The following DCC variants were observed in gnomAD, a reference collection of about 807,000 sequenced individuals.
The protein encoded by DCC is DCC netrin 1 receptor, also known as netrin receptor DCC.
DCC carries 58 observed loss-of-function variants against 172.5 expected under a neutral mutation model. That is an observed-to-expected ratio of 0.34 (90% CI 0.27 to 0.42). The LOEUF (loss-of-function observed/expected upper bound fraction) is 0.42. Among genes scored for constraint, DCC ranks in the 10% least tolerant of loss-of-function variants. DCC has a pLI of 1.00. For synonymous variants in DCC, 709 were observed against 644.5 expected, an observed-to-expected ratio of 1.10 and a Z score of -1.52; for missense variants, 1,740 against 1,791.0, an observed-to-expected ratio of 0.97 and a Z score of 0.51.
chr18:53,202,199 A>G (rs566407760), intron 9 of DCC, among the ~76,000 whole-genome samples: 99 of 152,282 alleles, frequency 6.5e-4, no homozygotes, highest in African/African-American at 2.2e-3. Flanking sequence ...GTCTTTTTCT[A>G]GAGCTGAGGC....
intron 1 of DCC, among the ~76,000 whole-genome samples, chr18:52,506,520 T>A (rs1380417480): frequency 6.6e-6 from 1 of 152,124 alleles, no homozygotes; most frequent in Admixed American, 6.5e-5. Context: ...TCTGGTTGTA[T>A]GTGCTCAGGA....
At chr18:53,529,411 TG>T (rs1455178351) in intron 28 of DCC, among the ~76,000 whole-genome samples, 3 of 152,166 alleles carry the variant, frequency 2.0e-5, no homozygotes, top group Non-Finnish European at 4.4e-5. Flanking sequence ...CAGGCCTCAT[TG>T]GTTCAATCAT....
rs2046529167 is a variant in DCC at position 53,531,915 on chromosome 18, C to T, written c.*1262C>T. On this transcript the variant is annotated 3_prime_UTR_variant, in exon 29 of 29. Transcript: ENST00000442544. ...CAGCAGATACTTTTCAAAGCAGCATCTTAAACTGTGGACTACAGTTTTAAA... is the reference window on the plus strand; with the variant it reads ...CAGCAGATACTTTTCAAAGCAGCATTTTAAACTGTGGACTACAGTTTTAAA... 1 of 152,222 alleles carries T rather than the reference C, an allele frequency of 6.6e-6. No homozygotes were observed. Among genetic ancestry groups the T allele is most frequent in the Non-Finnish European group, 1.5e-5 (1 of 68,054 alleles). The allele number at this position is 152,222 out of a possible 1,614,324, so 9.4% of individuals were successfully genotyped here.
intron 2 of DCC, among the ~76,000 whole-genome samples, chr18:52,779,191 C>T (rs772005234): frequency 1.3e-5 from 2 of 152,046 alleles, no homozygotes; most frequent in Non-Finnish European, 2.9e-5. Flanking sequence ...TTCTGGGATA[C>T]ATGTGCAGAA....
intron 2 of DCC, among the ~76,000 whole-genome samples, chr18:52,901,325 T>C (rs968493488): frequency 4.6e-5 from 7 of 151,962 alleles, no homozygotes; most frequent in Admixed American, 3.9e-4. Context: ...CCTAGCTACA[T>C]GGGAGACTGA....
intron 27 of DCC, among the ~76,000 whole-genome samples, chr18:53,504,917 T>C (rs1461536828): frequency 1.3e-5 from 2 of 151,280 alleles, no homozygotes; most frequent in Admixed American, 6.6e-5. Context: ...AATGTTTTTT[T>C]GTTTGTTTGT....
intron 2 of DCC, among the ~76,000 whole-genome samples, chr18:52,772,748 T>G (rs2037364635): frequency 6.6e-6 from 1 of 152,206 alleles, no homozygotes; most frequent in African/African-American, 2.4e-5. Flanking sequence ...TATTTCTTTC[T>G]TTCATGGTAA....
chr18:52,580,857 C>A (rs562952218), intron 1 of DCC, among the ~76,000 whole-genome samples: 1 of 152,294 alleles, frequency 6.6e-6, no homozygotes, highest in Admixed American at 6.5e-5. Context: ...TGCCTTTTAA[C>A]CACTGTGGTA....
intron 8 of DCC, among the ~76,000 whole-genome samples, chr18:53,175,792 A>T (rs960781760): frequency 1.3e-5 from 2 of 151,864 alleles, no homozygotes; most frequent in Non-Finnish European, 2.9e-5. Context: ...CCATCAAGCT[A>T]CCAATGCCTT....
chr18:53,438,681 G>A (rs1280871038), intron 22 of DCC, among the ~76,000 whole-genome samples: 1 of 152,082 alleles, frequency 6.6e-6, no homozygotes, highest in Non-Finnish European at 1.5e-5. Context: ...TAAATTTTTG[G>A]TTGAAAAGAA....
At chr18:52,816,591 C>G (rs928065449) in intron 2 of DCC, 14 of 152,276 alleles carry the variant, frequency 9.2e-5, no homozygotes, top group African/African-American at 2.6e-4. Flanking sequence ...ACAGCACTTT[C>G]TCATCGATCA....
chr18:52,711,233 T>A (rs2036286728), intron 1 of DCC, among the ~76,000 whole-genome samples: 1 of 152,288 alleles, frequency 6.6e-6, no homozygotes, highest in Non-Finnish European at 1.5e-5. Context: ...TATTTATTTG[T>A]TTTTTTATTT....
At chr18:52,767,280 C>T (rs981564654) in intron 2 of DCC, among the ~76,000 whole-genome samples, 1 of 152,018 alleles carries the variant, frequency 6.6e-6, no homozygotes. Flanking sequence ...TATTGAAACA[C>T]ATCTCTTTAA....
intron 1 of DCC, among the ~76,000 whole-genome samples, chr18:52,733,638 C>A (rs1022236373): frequency 6.6e-6 from 1 of 151,980 alleles, no homozygotes; most frequent in African/African-American, 2.4e-5. Context: ...AGGACTAGAG[C>A]TGTGTACCAC....
intron 5 of DCC, among the ~76,000 whole-genome samples, chr18:53,019,525 C>A (rs772830531): frequency 1.3e-5 from 2 of 152,094 alleles, no homozygotes; most frequent in African/African-American, 2.4e-5. Context: ...AATAGTTCAT[C>A]CCACCAGCCT....
At chr18:52,626,957 A>G (rs1395509632) in intron 1 of DCC, among the ~76,000 whole-genome samples, 1 of 152,158 alleles carries the variant, frequency 6.6e-6, no homozygotes, top group Non-Finnish European at 1.5e-5. Flanking sequence ...CAGGGATACT[A>G]AGGGACAGTT....
chr18:52,806,793 T>C (rs1172427941), intron 2 of DCC, among the ~76,000 whole-genome samples: 1 of 152,098 alleles, frequency 6.6e-6, no homozygotes, highest in Non-Finnish European at 1.5e-5. Context: ...TAATATGAAG[T>C]TAGAGGTTCT....
At chr18:52,517,582 T>C (rs1257661955) in intron 1 of DCC, among the ~76,000 whole-genome samples, 2 of 152,228 alleles carry the variant, frequency 1.3e-5, no homozygotes, top group African/African-American at 4.8e-5. Flanking sequence ...ATCTCTTTCC[T>C]TTTTATTAAG....
At position 52,716,346 on chromosome 18, in the gene DCC, C is replaced by T. The variant is rs2036383255; in HGVS notation, c.92-35708C>T. On this transcript the variant is annotated intron_variant, in intron 1 of 28. Transcript: ENST00000442544. ...TGGGCAACACAATTCTGAAACTGTCCTCTTGCTCACTTGTCAACCCATGAC... is the reference window on the plus strand; with the variant it reads ...TGGGCAACACAATTCTGAAACTGTCTTCTTGCTCACTTGTCAACCCATGAC... 2.6e-5 allele frequency among the ~76,000 whole-genome samples: 4 copies of T among 152,324 alleles called. No individual in the cohort carries two copies. In the South Asian group the frequency reaches 8.3e-4, roughly 32 times the overall value.
Sources: gnomAD v4.1 joint callset for allele counts (sites outside exome capture counted in the v4.1 genomes callset) on GRCh38, gnomAD v4.1.1 for gene constraint, MANE v1.5 for transcripts, NCBI Gene and HGNC (gene_info 2026-07-23, HGNC 2026-07-21) for gene names.